TTC6: variants seen among roughly 807,000 people sequenced by gnomAD.
The protein encoded by TTC6 is tetratricopeptide repeat domain 6.
In TTC6, 172 loss-of-function variants were observed where a neutral mutation model predicts 210.4. The ratio of observed to expected loss-of-function variants is 0.82; its 90% CI spans 0.72 to 0.93. The LOEUF (loss-of-function observed/expected upper bound fraction) is 0.93. TTC6 is among the 40% of genes least tolerant of loss of function. TTC6 has a pLI of 0.00. For missense variants in TTC6, 2,414 were observed against 2,318.1 expected, an observed-to-expected ratio of 1.04 and a Z score of -0.85; for synonymous variants, 804 against 819.6, an observed-to-expected ratio of 0.98 and a Z score of 0.32.
exon 3 of TTC6, chr14:37,682,916 T>C: frequency 6.5e-7 from 1 of 1,535,588 alleles, no homozygotes; most frequent in Non-Finnish European, 8.7e-7. Context: ...CTTTGGAAGA[T>C]GGACAGCCCA....
chr14:37,781,190 T>A (rs977356010), intron 14 of TTC6, among the ~76,000 whole-genome samples: 2 of 152,336 alleles, frequency 1.3e-5, no homozygotes, highest in Admixed American at 6.5e-5. Flanking sequence ...TCTAGATCCT[T>A]GAGGAATTGC....
chr14:37,716,631 T>C (rs1456318963), intron 6 of TTC6, among the ~76,000 whole-genome samples: 1 of 152,028 alleles, frequency 6.6e-6, no homozygotes, highest in Non-Finnish European at 1.5e-5. Context: ...CAAGAAGACA[T>C]GCCAGTCTTA....
At chr14:37,632,594 G>T (rs867022673) in intron 1 of TTC6, among the ~76,000 whole-genome samples, 5 of 152,230 alleles carry the variant, frequency 3.3e-5, no homozygotes, top group Non-Finnish European at 7.3e-5. Context: ...AGGCACGGGG[G>T]TCAGGGACCC....
Position 37,751,520 on chromosome 14 carries a change from T to C in TTC6, c.3129+295T>C, listed in dbSNP as rs914065009. 3.3e-5 allele frequency among the ~76,000 whole-genome samples: 5 copies of C among 152,164 alleles called. No homozygotes were observed. The South Asian group carries it at 1.0e-3, about 32-fold the overall frequency. ...TGCCTCCTCTGGAGCCATGCTACAG[T>C]GGTTAAAGAAGCCTTTGAAAATTGC... On this transcript the variant is annotated intron_variant, in intron 13 of 30. Transcript: ENST00000553443.
At chr14:37,842,118 C>A (rs755349363) in intron 30 of TTC6, 37 bp from the exon 33 acceptor site, 3 of 1,439,042 alleles carry the variant, frequency 2.1e-6, no homozygotes, top group Non-Finnish European at 2.7e-6. Context: ...TTTTTGAGTG[C>A]CAACTTAAAT....
intron 26 of TTC6, among the ~76,000 whole-genome samples, chr14:37,821,311 C>T (rs914212312): frequency 1.3e-5 from 2 of 152,060 alleles, no homozygotes; most frequent in East Asian, 1.9e-4. Context: ...TCAGGTGATC[C>T]ACCTGTCCTG....
intron 14 of TTC6, among the ~76,000 whole-genome samples, chr14:37,764,070 C>T (rs746886957): frequency 7.9e-5 from 12 of 152,094 alleles, no homozygotes; most frequent in African/African-American, 1.7e-4. Flanking sequence ...TTAATTTCCA[C>T]GTACTTGTGA....
intron 5 of TTC6, among the ~76,000 whole-genome samples, chr14:37,713,379 C>G (rs2095847620): frequency 1.3e-5 from 2 of 152,270 alleles, no homozygotes; most frequent in South Asian, 2.1e-4. Flanking sequence ...GCTGGGACTA[C>G]AGGTGTGTGC....
intron 3 of TTC6, among the ~76,000 whole-genome samples, chr14:37,690,915 T>C (rs1197760466): frequency 6.6e-6 from 1 of 152,212 alleles, no homozygotes; most frequent in African/African-American, 2.4e-5. Flanking sequence ...GGTTGCAGAA[T>C]ACACATTCTT....
chr14:37,642,301 G>A (rs1321431423), intron 1 of TTC6, among the ~76,000 whole-genome samples: 1 of 152,130 alleles, frequency 6.6e-6, no homozygotes, highest in Non-Finnish European at 1.5e-5. Context: ...ATGAGACTTG[G>A]GCTGAGCACC....
At chr14:37,795,400 G>A in intron 18 of TTC6, 48 bp downstream of exon 20, 1 of 1,264,668 alleles carries the variant, frequency 7.9e-7, no homozygotes, top group South Asian at 1.4e-5. Flanking sequence ...TAGCATCAGA[G>A]AAATTGAATG....
Position 37,616,798 on chromosome 14 carries a change from ACAG to A in TTC6, c.-154-5248_-154-5246del, listed in dbSNP as rs1160416133. On this transcript the variant is annotated intron_variant, in intron 2 of 2. Transcript: ENST00000556845. The stretch of plus-strand genomic sequence containing the variant: ...CTCCAACAAATTGCTTTTGAAACTG[ACAG>A]CAGGCAATATTTTAACATGTCAAAA... 3.3e-5 allele frequency among the ~76,000 whole-genome samples: 5 copies of A among 151,932 alleles called. No individual in the cohort carries two copies. The East Asian group carries it at 9.6e-4, about 29-fold the overall frequency.
intron 1 of TTC6, among the ~76,000 whole-genome samples, chr14:37,650,790 C>T (rs985648925): frequency 1.3e-5 from 2 of 152,108 alleles, no homozygotes; most frequent in Non-Finnish European, 2.9e-5. Context: ...CTTAGCATGG[C>T]GCTATTAACT....
chr14:37,725,013 G>A lies in TTC6; in HGVS notation c.1818+11G>A, dbSNP rs1396198382. Reference sequence around the variant, plus strand: ...TATCCAAAATATGAGGTAACATACCGAATGGGTTTTCTCTATTATTGTTGT... The same window carrying A: ...TATCCAAAATATGAGGTAACATACCAAATGGGTTTTCTCTATTATTGTTGT... On this transcript the variant is annotated intron_variant, in intron 7 of 30. Transcript: ENST00000553443. 1.0e-5 allele frequency: 14 copies of A among 1,393,578 alleles called. No homozygotes were observed. The highest frequency in any genetic ancestry group is 2.5e-5 in the East Asian group (1 of 39,508). 86.3% of individuals were successfully genotyped at this position (1,393,578 alleles called of 1,614,324 possible). A position where few individuals can be genotyped will look rare whatever the true frequency, so the allele number is the denominator to read the frequency against.
At chr14:37,727,487 G>A (rs1015375179) in intron 7 of TTC6, among the ~76,000 whole-genome samples, 2 of 151,586 alleles carry the variant, frequency 1.3e-5, no homozygotes, top group East Asian at 1.9e-4. Context: ...TAGAGATGGG[G>A]TTTCACTGTT....
chr14:37,681,934 T>C (rs71407712), intron 2 of TTC6, among the ~76,000 whole-genome samples: 8,719 of 152,138 alleles, frequency 0.057, 385 homozygotes, highest in Non-Finnish European at 0.089. Flanking sequence ...CCCCCACCCT[T>C]TTGCAGTTAG....
intron 1 of TTC6, among the ~76,000 whole-genome samples, chr14:37,651,409 ATATATATATATATATATTTTTTTT>A (rs1434371859): frequency 1.6e-4 from 3 of 19,344 alleles, no homozygotes; most frequent in Non-Finnish European, 2.1e-4. Flanking sequence ...ATATATATAT[ATATATATATATATATATTTTTTTT>A]TTTTTTTTTT....
intron 1 of TTC6, among the ~76,000 whole-genome samples, chr14:37,677,546 C>T (rs909508180): frequency 2.0e-5 from 3 of 151,784 alleles, no homozygotes; most frequent in African/African-American, 7.3e-5. Context: ...GAACTTGGGG[C>T]AGTGTTCTTT....
At chr14:37,798,869 T>A (rs2096098980) in intron 20 of TTC6, among the ~76,000 whole-genome samples, 1 of 152,172 alleles carries the variant, frequency 6.6e-6, no homozygotes, top group Non-Finnish European at 1.5e-5. Context: ...ATATGTCACA[T>A]ATGAAATTAA....
Sources: allele counts gnomAD v4.1 joint callset (sites outside exome capture counted in the v4.1 genomes callset), GRCh38; gene constraint gnomAD v4.1.1; transcripts MANE v1.5; gene names NCBI Gene and HGNC (gene_info 2026-07-23, HGNC 2026-07-21).